The following CNTNAP2 variants were observed in gnomAD, a reference collection of about 807,000 sequenced individuals.
The protein encoded by CNTNAP2 is contactin associated protein 2, also known as contactin-associated protein-like 2.
Under a neutral mutation model 155.2 loss-of-function variants are expected in CNTNAP2, and 98 were observed. The ratio of observed to expected loss-of-function variants is 0.63; its 90% CI spans 0.54 to 0.75. The LOEUF is 0.75. Among genes scored for constraint, CNTNAP2 ranks in the 30% least tolerant of loss-of-function variants. The pLI, the probability that CNTNAP2 is intolerant of heterozygous loss-of-function variation, is 0.00. For synonymous variants in CNTNAP2, 651 were observed against 631.2 expected (o/e 1.03, Z -0.47); for missense variants, 1,727 against 1,688.1 (o/e 1.02, Z -0.40).
At chr7:146,794,074 C>A (rs1170368691) in intron 2 of CNTNAP2, among the ~76,000 whole-genome samples, 2 of 152,134 alleles carry the variant, frequency 1.3e-5, no homozygotes, top group Non-Finnish European at 2.9e-5. Context: ...CAGCTGAAAG[C>A]AAATCCCTTT....
At chr7:147,810,750 A>G (rs1386495067) in intron 13 of CNTNAP2, among the ~76,000 whole-genome samples, 2 of 152,248 alleles carry the variant, frequency 1.3e-5, no homozygotes, top group African/African-American at 2.4e-5. Context: ...TTATCTTCTT[A>G]TAAAGTTAAA....
chr7:147,847,756 G>A lies in CNTNAP2; in HGVS notation c.2099-55809G>A, dbSNP rs1461046160. 2.5e-3 allele frequency among the ~76,000 whole-genome samples: 104 copies of A among 41,352 alleles called. 2 individuals are homozygous for A. The highest frequency in any genetic ancestry group is 3.1e-3 in the Non-Finnish European group (72 of 23,544). The allele number at this position is 41,352 out of a possible 152,430, so 27.1% of individuals were successfully genotyped here. A position where few individuals can be genotyped will look rare whatever the true frequency, so the allele number is the denominator to read the frequency against. The stretch of plus-strand genomic sequence containing the variant: ...TCTACTTTTGGTCTTTGATGATGGT[G>A]ATGTACAGATGGGTTTTCGGTGTAG... On this transcript the variant is annotated intron_variant, in intron 13 of 23. Coordinates refer to ENST00000361727, the MANE Select transcript of CNTNAP2 (RefSeq NM_014141.6).
At chr7:147,343,799 A>G (rs1795801976) in intron 9 of CNTNAP2, among the ~76,000 whole-genome samples, 1 of 152,034 alleles carries the variant, frequency 6.6e-6, no homozygotes, top group Non-Finnish European at 1.5e-5. Context: ...GCTTATCTTC[A>G]TGTGAGTGTG....
At position 147,829,868 on chromosome 7, in the gene CNTNAP2, G is replaced by GA. The variant is rs1584978316; in HGVS notation, c.2099-73697_2099-73696insA. On this transcript the variant is annotated intron_variant, in intron 13 of 23. Transcript: ENST00000361727. ...TACAGAGCAGCGAGGGGGGCCACAT[G>GA]GTCCCCAGTAAAGCAGAGGTCACAG... Among the ~76,000 whole-genome samples, 5 of 152,158 alleles carry GA rather than the reference G, an allele frequency of 3.3e-5. No homozygotes were observed. In the East Asian group the frequency reaches 9.7e-4, roughly 30 times the overall value.
intron 1 of CNTNAP2, among the ~76,000 whole-genome samples, chr7:146,275,408 G>T (rs1800148267): frequency 6.6e-6 from 1 of 152,100 alleles, no homozygotes; most frequent in African/African-American, 2.4e-5. Context: ...TATTCAGAAT[G>T]ATCAACTTTA....
At chr7:147,025,558 C>T (rs1798902635) in intron 3 of CNTNAP2, among the ~76,000 whole-genome samples, 1 of 150,552 alleles carries the variant, frequency 6.6e-6, no homozygotes, top group Non-Finnish European at 1.5e-5. Context: ...CCTCCCATAT[C>T]ATCCAATCAC....
At chr7:147,335,734 C>T (rs911281647) in intron 9 of CNTNAP2, among the ~76,000 whole-genome samples, 2 of 152,136 alleles carry the variant, frequency 1.3e-5, no homozygotes, top group Non-Finnish European at 2.9e-5. Context: ...TCAAACCCAT[C>T]CTCTCTATTG....
Position 146,721,889 on chromosome 7 carries a change from A to ATATATATATATTTTTTTTTTTTTTTTT in CNTNAP2, c.98-52381_98-52380insATATATATATTTTTTTTTTTTTTTTTT. Among the ~76,000 whole-genome samples, 3 of 69,738 alleles carry ATATATATATATTTTTTTTTTTTTTTTT rather than the reference A, an allele frequency of 4.3e-5. No individual in the cohort carries two copies. The African/African-American group carries it at 5.7e-4, about 13-fold the overall frequency. The allele number at this position is 69,738 out of a possible 152,430, so 45.8% of individuals were successfully genotyped here. On this transcript the variant is annotated intron_variant, in intron 1 of 23. Coordinates refer to ENST00000361727, the MANE Select transcript of CNTNAP2 (RefSeq NM_014141.6). ...TGTGTGTGTGTGTATATATATATAT[A>ATATATATATATTTTTTTTTTTTTTTTT]TTTTTTTTTTTTTTTTTGAGATGGA...
At chr7:146,628,770 C>T (rs965046995) in intron 1 of CNTNAP2, among the ~76,000 whole-genome samples, 2 of 151,926 alleles carry the variant, frequency 1.3e-5, no homozygotes, top group African/African-American at 2.4e-5. Context: ...TTAAGAGCCC[C>T]GGAGCAAAAT....
intron 1 of CNTNAP2, among the ~76,000 whole-genome samples, chr7:146,335,454 C>T (rs1240656042): frequency 6.6e-6 from 1 of 152,124 alleles, no homozygotes; most frequent in East Asian, 1.9e-4. Context: ...TTGACCTTCT[C>T]TTAAGAAGGA....
At chr7:146,233,113 A>G (rs1311712452) in intron 1 of CNTNAP2, among the ~76,000 whole-genome samples, 1 of 152,198 alleles carries the variant, frequency 6.6e-6, no homozygotes, top group East Asian at 1.9e-4. Flanking sequence ...AATGAGTAAT[A>G]AAGTGTTCTA....
At chr7:146,975,024 G>A (rs946113765) in intron 3 of CNTNAP2, among the ~76,000 whole-genome samples, 8 of 152,088 alleles carry the variant, frequency 5.3e-5, no homozygotes, top group Admixed American at 1.3e-4. Flanking sequence ...CCAGGTATAC[G>A]TATATTAACT....
chr7:148,206,763 G>A (rs1795457456), intron 18 of CNTNAP2, among the ~76,000 whole-genome samples: 1 of 152,198 alleles, frequency 6.6e-6, no homozygotes, highest in African/African-American at 2.4e-5. Flanking sequence ...GAAGCCTGGA[G>A]GCCTGTTTCC....
rs529269450 is a variant in CNTNAP2 at position 148,217,512 on chromosome 7, G to A, written c.3235G>A (p.Val1079Ile). 48 of 1,614,092 alleles carry A rather than the reference G, an allele frequency of 3.0e-5. No individual in the cohort carries two copies. The highest frequency in any genetic ancestry group is 4.0e-5 in the African/African-American group (3 of 75,026). Residue 1079 changes from valine (V) to isoleucine (I), a missense_variant, in exon 19 of 24, where the codon GTC (valine) becomes ATC (isoleucine). Coordinates refer to ENST00000361727, the MANE Select transcript of CNTNAP2 (RefSeq NM_014141.6). ...CACCACAGACTTCTTGGCAGTCCTC[G>A]TCAAACCCACTGGTAAGGACAAGGA... ...SFTTDFLAVLVKPTGSLQIRY... is the reference protein window; with the variant it reads ...SFTTDFLAVLIKPTGSLQIRY...
At chr7:146,310,013 T>C (rs1800792157) in intron 1 of CNTNAP2, among the ~76,000 whole-genome samples, 1 of 152,204 alleles carries the variant, frequency 6.6e-6, no homozygotes, top group African/African-American at 2.4e-5. Context: ...TGTTATTGTG[T>C]AATGACTGTG....
intron 1 of CNTNAP2, among the ~76,000 whole-genome samples, chr7:146,555,961 A>G (rs1369615626): frequency 1.3e-5 from 2 of 152,222 alleles, no homozygotes; most frequent in Non-Finnish European, 2.9e-5. Flanking sequence ...CTAGCATACA[A>G]TCCACTCTCA....
At chr7:146,576,860 A>G (rs1798533301) in intron 1 of CNTNAP2, among the ~76,000 whole-genome samples, 1 of 152,126 alleles carries the variant, frequency 6.6e-6, no homozygotes, top group Admixed American at 6.5e-5. Context: ...TGTTGTAATT[A>G]TTTTTAGGTG....
intron 14 of CNTNAP2, among the ~76,000 whole-genome samples, chr7:147,944,640 A>T (rs1563143542): frequency 6.6e-6 from 1 of 152,220 alleles, no homozygotes; most frequent in Non-Finnish European, 1.5e-5. Flanking sequence ...AAAATCGGTA[A>T]TTACTTTTCT....
intron 21 of CNTNAP2, among the ~76,000 whole-genome samples, chr7:148,329,689 A>T (rs915964502): frequency 2.0e-5 from 3 of 152,166 alleles, no homozygotes; most frequent in Non-Finnish European, 2.9e-5. Flanking sequence ...AAGGGTCAAA[A>T]ATATCAACAG....
Sources: gnomAD v4.1 joint callset for allele counts (sites outside exome capture counted in the v4.1 genomes callset) on GRCh38, gnomAD v4.1.1 for gene constraint, MANE v1.5 for transcripts, NCBI Gene and HGNC (gene_info 2026-07-23, HGNC 2026-07-21) for gene names.